TNNI3K: variants seen among roughly 807,000 people sequenced by gnomAD.
TNNI3K encodes the protein TNNI3 interacting kinase.
Under a neutral mutation model 114.5 loss-of-function variants are expected in TNNI3K, and 140 were observed. The ratio of observed to expected loss-of-function variants is 1.22; its 90% CI spans 1.07 to 1.41. The LOEUF (loss-of-function observed/expected upper bound fraction) is 1.41. Among genes scored for constraint, TNNI3K ranks in the 40% most tolerant of loss-of-function variants. The pLI, the probability that TNNI3K is intolerant of heterozygous loss-of-function variation, is 0.00. For synonymous variants in TNNI3K, 347 were observed against 347.5 expected (o/e 1.00, Z 0.02); for missense variants, 1,125 against 1,007.6 (o/e 1.12, Z -1.58).
chr1:74,314,108 A>G (rs959668258), intron 5 of TNNI3K, among the ~76,000 whole-genome samples: 7 of 144,724 alleles, frequency 4.8e-5, no homozygotes, highest in Non-Finnish European at 1.0e-4. Context: ...TATGGATTTC[A>G]AGTTCTAAAG....
intron 23 of TNNI3K, among the ~76,000 whole-genome samples, chr1:74,534,706 A>G (rs115532334): frequency 0.036 from 5,372 of 149,974 alleles, 320 homozygotes; most frequent in African/African-American, 0.12. Context: ...TCTTGTAAGC[A>G]TTGCAACATG....
intron 2 of TNNI3K, chr1:74,240,456 T>C (rs1290918991): frequency 6.6e-6 from 1 of 152,308 alleles, no homozygotes; most frequent in Non-Finnish European, 1.5e-5. Flanking sequence ...CAAATTAAAC[T>C]GGCTTGAACT....
At chr1:74,336,993 A>G (rs946113850) in intron 7 of TNNI3K, among the ~76,000 whole-genome samples, 3 of 151,354 alleles carry the variant, frequency 2.0e-5, no homozygotes, top group Non-Finnish European at 3.0e-5. Flanking sequence ...CTATTTCTCC[A>G]CATCCTCTCC....
Position 74,495,379 on chromosome 1 carries a change from A to G in TNNI3K, c.2351+3113A>G, listed in dbSNP as rs538926714. Among the ~76,000 whole-genome samples, 19 of 152,342 alleles carry G rather than the reference A, an allele frequency of 1.2e-4. No individual in the cohort carries two copies. The East Asian group carries it at 3.7e-3, about 29-fold the overall frequency. Reference sequence around the variant, plus strand: ...ATGTTCTATTCATTACTGTATCCTTAGTATCTATCTAGCAGTATGATTGGC... The same window carrying G: ...ATGTTCTATTCATTACTGTATCCTTGGTATCTATCTAGCAGTATGATTGGC... On this transcript the variant is annotated intron_variant, in intron 23 of 24. Coordinates refer to ENST00000326637, the MANE Select transcript of TNNI3K (RefSeq NM_015978.3).
intron 17 of TNNI3K, among the ~76,000 whole-genome samples, chr1:74,381,694 TTCAG>T (rs1663211738): frequency 6.6e-6 from 1 of 152,196 alleles, no homozygotes; most frequent in Admixed American, 6.5e-5. Context: ...GAATCAGGGA[TTCAG>T]TCTGATACTC....
chr1:74,248,266 C>T (rs1296481204), intron 2 of TNNI3K, among the ~76,000 whole-genome samples: 1 of 151,950 alleles, frequency 6.6e-6, no homozygotes, highest in Non-Finnish European at 1.5e-5. Context: ...CTGTGCACAG[C>T]CCCAGTTCCT....
At chr1:74,482,553 CAG>C (rs1359049240) in intron 21 of TNNI3K, among the ~76,000 whole-genome samples, 1 of 152,188 alleles carries the variant, frequency 6.6e-6, no homozygotes, top group African/African-American at 2.4e-5. Context: ...TCCTAATTAT[CAG>C]AGTCGTGGGA....
At chr1:74,340,809 C>G in intron 7 of TNNI3K, among the ~76,000 whole-genome samples, 1 of 152,106 alleles carries the variant, frequency 6.6e-6, no homozygotes, top group East Asian at 1.9e-4. Flanking sequence ...ATTGACTATC[C>G]CTGGCTTAGA....
chr1:74,351,956 C>T (rs1362597510), intron 9 of TNNI3K, among the ~76,000 whole-genome samples: 12 of 152,076 alleles, frequency 7.9e-5, no homozygotes, highest in African/African-American at 2.7e-4. Flanking sequence ...CTGAAGCCTT[C>T]CCCTCTCAAC....
intron 20 of TNNI3K, among the ~76,000 whole-genome samples, chr1:74,445,290 T>A (rs1255435577): frequency 1.5e-4 from 22 of 147,750 alleles, no homozygotes; most frequent in African/African-American, 5.3e-4. Context: ...TACATATGTA[T>A]ACATGTGCCG....
chr1:74,444,042 C>G (rs1235657102), intron 20 of TNNI3K, among the ~76,000 whole-genome samples: 1 of 152,176 alleles, frequency 6.6e-6, no homozygotes, highest in Non-Finnish European at 1.5e-5. Context: ...GACATACCCA[C>G]AGCGAATATC....
At chr1:74,290,538 T>G (rs1657614745) in intron 5 of TNNI3K, among the ~76,000 whole-genome samples, 1 of 151,752 alleles carries the variant, frequency 6.6e-6, no homozygotes, top group Non-Finnish European at 1.5e-5. Flanking sequence ...ATGCCCAGCA[T>G]TAAATATTGA....
At chr1:74,340,399 AATAAT>A (rs1212585840) in intron 7 of TNNI3K, among the ~76,000 whole-genome samples, 1 of 152,158 alleles carries the variant, frequency 6.6e-6, no homozygotes, top group Admixed American at 6.6e-5. Context: ...TCTAAGATAT[AATAAT>A]ATATTTTCTT....
chr1:74,304,245 G>T (rs930563518), intron 5 of TNNI3K, among the ~76,000 whole-genome samples: 5 of 152,130 alleles, frequency 3.3e-5, no homozygotes, highest in Admixed American at 1.3e-4. Context: ...TTTCATGAAA[G>T]AAAGAGTCAA....
rs1409980138 is a variant in TNNI3K, at chr1:74,331,445, T to C, written c.445-5T>C. The C allele has an allele frequency of 6.2e-7, 1 of 1,612,106 alleles. No homozygotes were observed. The highest frequency in any genetic ancestry group is 8.5e-7 in the Non-Finnish European group (1 of 1,179,338). On this transcript the variant is annotated splice_region_variant and splice_polypyrimidine_tract_variant and intron_variant, in intron 5 of 24. Coordinates refer to ENST00000326637, the MANE Select transcript of TNNI3K (RefSeq NM_015978.3). The stretch of plus-strand genomic sequence containing the variant: ...GTTCTTAACCATAATCATTTTCTTG[T>C]CCAGGCTGCTGATGTGCTGTTGCAA...
intron 2 of TNNI3K, among the ~76,000 whole-genome samples, chr1:74,246,789 T>C (rs984968704): frequency 6.6e-6 from 1 of 152,182 alleles, no homozygotes; most frequent in Non-Finnish European, 1.5e-5. Flanking sequence ...TTTTTCAATA[T>C]GTATGTCCAA....
At chr1:74,356,049 C>G (rs1661638193) in intron 11 of TNNI3K, among the ~76,000 whole-genome samples, 2 of 152,158 alleles carry the variant, frequency 1.3e-5, no homozygotes, top group African/African-American at 4.8e-5. Context: ...TCCAATCACT[C>G]CCCTAAAGAG....
chr1:74,323,835 G>A (rs1659754041), intron 5 of TNNI3K, among the ~76,000 whole-genome samples: 1 of 152,096 alleles, frequency 6.6e-6, no homozygotes, highest in Admixed American at 6.6e-5. Flanking sequence ...GGAAACAAAG[G>A]AGAACAAAAG....
intron 19 of TNNI3K, 63 bp from the exon 20 acceptor site, chr1:74,439,427 C>T: frequency 1.3e-6 from 2 of 1,576,978 alleles, no homozygotes; most frequent in Non-Finnish European, 1.7e-6. Context: ...AAGAAGAATG[C>T]TACTCTGCAG....
Sources: gnomAD v4.1 joint callset for allele counts (sites outside exome capture counted in the v4.1 genomes callset) on GRCh38, gnomAD v4.1.1 for gene constraint, MANE v1.5 for transcripts, NCBI Gene and HGNC (gene_info 2026-07-23, HGNC 2026-07-21) for gene names.